The following TRAPPC2L variants were observed in gnomAD, a reference collection of about 807,000 sequenced individuals.
TRAPPC2L encodes trafficking protein particle complex subunit 2-like protein.
TRAPPC2L carries 17 observed loss-of-function variants against 13.2 expected under a neutral mutation model. That is an observed-to-expected ratio of 1.29 (90% CI 0.88 to 1.93). The LOEUF (loss-of-function observed/expected upper bound fraction) is 1.93, where lower values mean the gene tolerates loss of function less well. Ranked by LOEUF, TRAPPC2L falls within the 30% of genes most tolerant of loss-of-function variation. TRAPPC2L has a pLI of 0.00. For synonymous variants in TRAPPC2L, 150 were observed against 98.1 expected, an observed-to-expected ratio of 1.53 and a Z score of -3.12; for missense variants, 359 against 252.1, an observed-to-expected ratio of 1.42 and a Z score of -2.87.
upstream of TRAPPC2L, chr16:88,856,765 A>G (rs1597615079): frequency 2.0e-6 from 3 of 1,500,812 alleles, no homozygotes; most frequent in Non-Finnish European, 2.7e-6. Flanking sequence ...CACGTCGTCC[A>G]TGAGCAGGAG....
At chr16:88,861,145 A>G (rs1968363241) in exon 4 of TRAPPC2L, 2 of 621,448 alleles carry the variant, frequency 3.2e-6, no homozygotes. Context: ...TCAGCCAAGG[A>G]TTTAATTAAG....
chr16:88,858,676 A>ATCTC lies in TRAPPC2L; in HGVS notation c.92_93insCTCT (p.Met31IlefsTer12). 3 of 1,613,524 alleles carry ATCTC rather than the reference A, an allele frequency of 1.9e-6. No individual in the cohort carries two copies. The highest frequency in any genetic ancestry group is 2.5e-6 in the Non-Finnish European group (3 of 1,179,980). On this transcript the variant is annotated frameshift_variant, in exon 2 of 4. Transcript: ENST00000565504. LOFTEE classifies it high-confidence loss of function. Reference sequence around the variant, plus strand: ...GGAGAACGAGCTGAAGTTCCACTACATGGTGCACACATCTCTGGACGTGGT... The same window carrying ATCTC: ...GGAGAACGAGCTGAAGTTCCACTACATCTCTGGTGCACACATCTCTGGACGTGGT...
chr16:88,858,199 GT>G (rs1968104438), intron 1 of TRAPPC2L, among the ~76,000 whole-genome samples: 1 of 152,154 alleles, frequency 6.6e-6, no homozygotes, highest in Non-Finnish European at 1.5e-5. Flanking sequence ...GTCTTGAAGG[GT>G]TTAGTAAAAG....
exon 3 of TRAPPC2L, chr16:88,859,678 C>T (rs753443909): frequency 6.2e-7 from 1 of 1,613,984 alleles, no homozygotes; most frequent in Admixed American, 1.7e-5. Context: ...GCTACGTCAC[C>T]AACTCCAAGG....
At chr16:88,859,563 G>A (rs1013646131) in intron 2 of TRAPPC2L, 100 bp from the exon 3 acceptor site, 1 of 1,129,116 alleles carries the variant, frequency 8.9e-7, no homozygotes, top group African/African-American at 1.5e-5. Context: ...GGCATTTCCT[G>A]TGATTCAAGG....
intron 2 of TRAPPC2L, chr16:88,859,018 A>G (rs1968190432): frequency 1.8e-6 from 1 of 564,356 alleles, no homozygotes; most frequent in Admixed American, 3.2e-5. Flanking sequence ...TTTGGTTTGC[A>G]CGTGTCCGTT....
chr16:88,860,939 A>G (rs1567558783), exon 4 of TRAPPC2L: 2 of 1,593,740 alleles, frequency 1.3e-6, no homozygotes. Flanking sequence ...GGTGACGTCG[A>G]TGATGATACA....
chr16:88,858,431 T>C (rs1225241388), intron 1 of TRAPPC2L, among the ~76,000 whole-genome samples, 188 bp from the exon 2 acceptor site: 2 of 152,018 alleles, frequency 1.3e-5, no homozygotes, highest in Non-Finnish European at 2.9e-5. Context: ...AACACATAAA[T>C]CTCCTTAGGT....
At chr16:88,858,674 A>G in exon 2 of TRAPPC2L, 2 of 1,613,572 alleles carry the variant, frequency 1.2e-6, no homozygotes, top group African/African-American at 1.3e-5. Context: ...AAGTTCCACT[A>G]CATGGTGCAC....
intron 1 of TRAPPC2L, 138 bp from the exon 2 acceptor site, chr16:88,858,481 G>C (rs1023913621): frequency 1.2e-6 from 1 of 849,072 alleles, no homozygotes; most frequent in Middle Eastern, 2.4e-4. Context: ...CTGCGGCATA[G>C]AGAATGAAGC....
exon 4 of TRAPPC2L, chr16:88,860,733 A>G (rs1968323044): frequency 1.5e-6 from 1 of 669,572 alleles, no homozygotes; most frequent in Non-Finnish European, 2.6e-6. Context: ...GAGGCAGCAG[A>G]TGGGTTCTCA....
intron 2 of TRAPPC2L, 167 bp from the exon 3 acceptor site, chr16:88,859,496 C>A: frequency 1.3e-6 from 1 of 753,862 alleles, no homozygotes. Flanking sequence ...AGACGTCGCC[C>A]TAGCAAAGTA....
chr16:88,858,817 C>T (rs745448284), intron 2 of TRAPPC2L, 26 bp downstream of exon 2: 3 of 1,599,128 alleles, frequency 1.9e-6, no homozygotes, highest in Admixed American at 3.5e-5. Context: ...GGGTGTGTGT[C>T]AGGGAGGACC....
At chr16:88,857,168 G>A (rs773218010) in exon 1 of TRAPPC2L, 3 of 1,582,296 alleles carry the variant, frequency 1.9e-6, no homozygotes, top group Middle Eastern at 1.7e-4. Context: ...TGTGCATCGC[G>A]GTGATTGCCA....
At chr16:88,858,714 C>T (rs373124026) in exon 2 of TRAPPC2L, 3 of 1,613,610 alleles carry the variant, frequency 1.9e-6, no homozygotes, top group Admixed American at 1.7e-5. Flanking sequence ...ATGAGAAGAT[C>T]TCCGCAATGG....
At chr16:88,860,343 G>C in exon 4 of TRAPPC2L, 1 of 674,700 alleles carries the variant, frequency 1.5e-6, no homozygotes, top group Non-Finnish European at 2.7e-6. Flanking sequence ...GTTGAATTTG[G>C]AACAGTCAGG....
chr16:88,857,337 G>C (rs184714254), intron 1 of TRAPPC2L, 154 bp downstream of exon 1: 21 of 669,252 alleles, frequency 3.1e-5, no homozygotes, highest in Admixed American at 7.6e-5. Flanking sequence ...CGCGGTGGAC[G>C]AGCCGCCAGG....
At chr16:88,861,934 T>TAGA (rs1443748137) in exon 4 of TRAPPC2L, 1 of 243,556 alleles carries the variant, frequency 4.1e-6, no homozygotes, top group African/African-American at 2.3e-5. Context: ...TTAGAAATTA[T>TAGA]AGAAGAAAAA....
At chr16:88,858,337 G>T (rs1368827750) in intron 1 of TRAPPC2L, among the ~76,000 whole-genome samples, 1 of 152,186 alleles carries the variant, frequency 6.6e-6, no homozygotes, top group Admixed American at 6.5e-5. Flanking sequence ...CAGGTGCCAG[G>T]CTTGATCGGC....
Sources: gnomAD v4.1 joint callset for allele counts (sites outside exome capture counted in the v4.1 genomes callset) on GRCh38, gnomAD v4.1.1 for gene constraint, MANE v1.5 for transcripts, NCBI Gene and HGNC (gene_info 2026-07-23, HGNC 2026-07-21) for gene names.